The following SLC4A7 variants were observed in gnomAD, a reference collection of about 807,000 sequenced individuals.
The protein encoded by SLC4A7 is sodium bicarbonate cotransporter 3.
SLC4A7 carries 51 observed loss-of-function variants against 137.6 expected under a neutral mutation model. That is an observed-to-expected ratio of 0.37 (90% CI 0.30 to 0.47). SLC4A7 has a LOEUF of 0.47. SLC4A7 is among the 20% of genes least tolerant of loss of function. SLC4A7 has a pLI of 1.00. For synonymous variants in SLC4A7, 542 were observed against 518.6 expected, an observed-to-expected ratio of 1.05 and a Z score of -0.61; for missense variants, 1,247 against 1,525.4, an observed-to-expected ratio of 0.82 and a Z score of 3.04.
intron 20 of SLC4A7, among the ~76,000 whole-genome samples, chr3:27,393,757 A>G (rs1457038409): frequency 6.6e-6 from 1 of 152,166 alleles, no homozygotes; most frequent in African/African-American, 2.4e-5. Context: ...GGAAGCCTTA[A>G]TTATCATCAT....
At chr3:27,418,724 C>G in intron 10 of SLC4A7, 92 bp from the exon 11 acceptor site, 2 of 742,506 alleles carry the variant, frequency 2.7e-6, no homozygotes, top group African/African-American at 3.6e-5. Context: ...AATAGCTTCA[C>G]AATAAAGATA....
chr3:27,407,991 C>T (rs2053547645), intron 13 of SLC4A7, among the ~76,000 whole-genome samples: 1 of 152,188 alleles, frequency 6.6e-6, no homozygotes, highest in African/African-American at 2.4e-5. Flanking sequence ...ATAACTAATA[C>T]ATATCCTTTT....
intron 20 of SLC4A7, 179 bp from the exon 21 acceptor site, chr3:27,391,987 T>C: frequency 2.2e-6 from 1 of 452,320 alleles, no homozygotes; most frequent in East Asian, 3.5e-5. Context: ...AAATGACTCA[T>C]CTTCTACATG....
intron 1 of SLC4A7, among the ~76,000 whole-genome samples, chr3:27,467,367 T>G (rs1216626346): frequency 6.6e-6 from 1 of 152,212 alleles, no homozygotes; most frequent in Non-Finnish European, 1.5e-5. Context: ...GAATTCTAAG[T>G]AAAACATAAT....
At chr3:27,406,343 A>G (rs1390952764) in intron 13 of SLC4A7, among the ~76,000 whole-genome samples, 1 of 152,246 alleles carries the variant, frequency 6.6e-6, no homozygotes, top group African/African-American at 2.4e-5. Flanking sequence ...ATCATCAGCT[A>G]GAACAGCATC....
intron 1 of SLC4A7, among the ~76,000 whole-genome samples, chr3:27,465,304 A>C (rs867041754): frequency 1.2e-4 from 18 of 151,762 alleles, no homozygotes; most frequent in Non-Finnish European, 1.8e-4. Context: ...AAAAAAAAAA[A>C]AAAAACCCAC....
At chr3:27,430,827 G>A (rs2056200414) in intron 7 of SLC4A7, among the ~76,000 whole-genome samples, 1 of 151,964 alleles carries the variant, frequency 6.6e-6, no homozygotes, top group Non-Finnish European at 1.5e-5. Flanking sequence ...GTGAGACTCG[G>A]TCTAATAAAA....
intron 2 of SLC4A7, among the ~76,000 whole-genome samples, chr3:27,449,487 T>C (rs1247790125): frequency 2.0e-5 from 3 of 151,416 alleles, no homozygotes; most frequent in Non-Finnish European, 4.4e-5. Flanking sequence ...AAAGTCCAAA[T>C]TACTGAGAGC....
chr3:27,454,334 C>T (rs1292432738), intron 1 of SLC4A7, among the ~76,000 whole-genome samples: 4 of 151,970 alleles, frequency 2.6e-5, no homozygotes, highest in African/African-American at 7.3e-5. Flanking sequence ...GGCGTGGTAG[C>T]GGGCGCCTGT....
chr3:27,483,958 G>T lies in SLC4A7; in HGVS notation c.60+109C>A, dbSNP rs909940849. ...CCGCCGGGAGGTGGAGGGGCGACGGGCCTGGGACGAGGTGGCCGAGCCGCG... is the reference window on the plus strand; with the variant it reads ...CCGCCGGGAGGTGGAGGGGCGACGGTCCTGGGACGAGGTGGCCGAGCCGCG... On this transcript the variant is annotated intron_variant, in intron 1 of 25. Coordinates refer to ENST00000454389, the MANE Select transcript of SLC4A7 (RefSeq NM_001321103.2). 27 of 848,838 alleles carry T rather than the reference G, an allele frequency of 3.2e-5. 1 individual carries two copies. The highest frequency in any genetic ancestry group is 1.2e-4 in the South Asian group (3 of 25,230). The allele number at this position is 848,838 out of a possible 1,614,324, so 52.6% of individuals were successfully genotyped here.
intron 20 of SLC4A7, among the ~76,000 whole-genome samples, chr3:27,393,293 C>A (rs1385156276): frequency 1.3e-5 from 2 of 152,100 alleles, no homozygotes; most frequent in Non-Finnish European, 2.9e-5. Flanking sequence ...AGTACAAAAA[C>A]CAAATAGATT....
intron 23 of SLC4A7, among the ~76,000 whole-genome samples, chr3:27,384,029 G>A (rs2050694644): frequency 6.6e-6 from 1 of 152,168 alleles, no homozygotes; most frequent in South Asian, 2.1e-4. Context: ...TTGGACAGTG[G>A]ACACGGAAGA....
intron 7 of SLC4A7, among the ~76,000 whole-genome samples, chr3:27,425,455 T>C (rs1234074501): frequency 6.8e-6 from 1 of 146,070 alleles, no homozygotes; most frequent in East Asian, 2.1e-4. Flanking sequence ...GGCGGACGGA[T>C]CACCTGAGGC....
At chr3:27,416,015 T>C (rs75678910) in intron 11 of SLC4A7, among the ~76,000 whole-genome samples, 2,984 of 152,344 alleles carry the variant, frequency 0.02, 53 homozygotes, top group South Asian at 0.048. Context: ...AACTTCATCT[T>C]ACATTTGTAT....
intron 11 of SLC4A7, among the ~76,000 whole-genome samples, chr3:27,414,063 T>C (rs1411618333): frequency 6.6e-6 from 1 of 152,186 alleles, no homozygotes; most frequent in Non-Finnish European, 1.5e-5. Flanking sequence ...GTGGATCACC[T>C]GAGGTCAGGA....
Position 27,397,786 on chromosome 3 carries a change from T to A in SLC4A7, c.2601A>T (p.Thr867=). The A allele has an allele frequency of 6.3e-7, 1 of 1,590,218 alleles. No individual in the cohort carries two copies. The highest frequency in any genetic ancestry group is 1.7e-4 in the Middle Eastern group (1 of 5,988). Residue 867 remains threonine (T), a synonymous_variant, in exon 18 of 26, where the codon ACA becomes ACT. Coordinates refer to ENST00000454389, the MANE Select transcript of SLC4A7 (RefSeq NM_001321103.2). The part of the protein sequence containing the change: ...KRYFPTKVRS[T]ISDFAVFLTI... The stretch of plus-strand genomic sequence containing the variant: ...TGAGAAATACAGCAAAATCACTGAT[T>A]GTCGATCGCACCTATGTTAAAGGGA...
intron 12 of SLC4A7, among the ~76,000 whole-genome samples, chr3:27,410,767 G>C (rs2053826305): frequency 6.6e-6 from 1 of 151,924 alleles, no homozygotes; most frequent in Admixed American, 6.6e-5. Flanking sequence ...GTTCACACAG[G>C]GTCAAAATCT....
At chr3:27,385,108 T>C (rs761188726) in intron 23 of SLC4A7, among the ~76,000 whole-genome samples, 22 of 152,170 alleles carry the variant, frequency 1.4e-4, no homozygotes, top group Non-Finnish European at 2.8e-4. Context: ...ATCAATAAAA[T>C]TTTAATCTCT....
intron 3 of SLC4A7, among the ~76,000 whole-genome samples, chr3:27,444,449 A>G (rs1037626177): frequency 6.6e-6 from 1 of 152,176 alleles, no homozygotes; most frequent in Non-Finnish European, 1.5e-5. Context: ...ATATTAGACT[A>G]CATGATATTG....
Sources: allele counts gnomAD v4.1 joint callset (sites outside exome capture counted in the v4.1 genomes callset), GRCh38; gene constraint gnomAD v4.1.1; transcripts MANE v1.5; gene names NCBI Gene and HGNC (gene_info 2026-07-23, HGNC 2026-07-21).